Variants in CCDC146 observed in about 807,000 individuals in gnomAD.
CCDC146 encodes the protein coiled-coil domain containing 146.
CCDC146 carries 92 observed loss-of-function variants against 119.3 expected under a neutral mutation model. That is an observed-to-expected ratio of 0.77 (90% confidence interval 0.65 to 0.92). The LOEUF (loss-of-function observed/expected upper bound fraction) is 0.92, where lower values mean the gene tolerates loss of function less well. CCDC146 is among the 40% of genes least tolerant of loss of function. The probability of loss-of-function intolerance (pLI) is 0.00; values close to 1 mark genes in which losing one functional copy is unlikely to be tolerated. For synonymous variants in CCDC146, 372 were observed against 371.8 expected (o/e 1.00, Z -0.01); for missense variants, 1,000 against 1,103.0 (o/e 0.91, Z 1.32).
chr7:77,214,525 A>G (rs1210547183), intron 2 of CCDC146, among the ~76,000 whole-genome samples: 1 of 151,770 alleles, frequency 6.6e-6, no homozygotes, highest in African/African-American at 2.4e-5. Flanking sequence ...TTTCTAGTCT[A>G]ATGTTTAAAA....
At chr7:77,185,066 G>T (rs1053511810) in intron 2 of CCDC146, among the ~76,000 whole-genome samples, 2 of 151,978 alleles carry the variant, frequency 1.3e-5, no homozygotes, top group Non-Finnish European at 2.9e-5. Context: ...GTGAAAAACA[G>T]TTTGTAGATA....
At chr7:77,171,041 G>A (rs1382378481) in intron 2 of CCDC146, among the ~76,000 whole-genome samples, 1 of 152,246 alleles carries the variant, frequency 6.6e-6, no homozygotes, top group East Asian at 1.9e-4. Context: ...TCCATCATAT[G>A]TCGAACTTTG....
chr7:77,221,157 G>A (rs1792396653), intron 2 of CCDC146, among the ~76,000 whole-genome samples: 1 of 152,034 alleles, frequency 6.6e-6, no homozygotes, highest in Non-Finnish European at 1.5e-5. Flanking sequence ...CATTCATAAA[G>A]GATCCACCCC....
In CCDC146 at chr7:77,293,081, T is replaced by C. The variant is rs1793979935; in HGVS notation, c.2545T>C (p.Phe849Leu). 1 of 1,614,100 alleles carries C rather than the reference T, an allele frequency of 6.2e-7. No individual in the cohort carries two copies. Among genetic ancestry groups the C allele is most frequent in the African/African-American group, 1.3e-5 (1 of 74,938 alleles). ...KEVREKEDFI[F>L]TCNSRIEKGL... ...AGTCAGGGAGAAAGAAGACTTCATC[T>C]TCACTTGCAATTCCAGGATAGAAAA... Residue 849 changes from phenylalanine (F) to leucine (L), a missense_variant, in exon 18 of 19, where the codon TTC (phenylalanine) becomes CTC (leucine). Physicochemically the swap from Phe to Leu is conservative, Grantham distance 22. This residue lies in a region of CCDC146 where 985 missense variants were observed against 1,045.3 expected (regional missense o/e 0.94). Transcript: ENST00000285871.
At chr7:77,250,973 T>TTG (rs58026945) in intron 4 of CCDC146, among the ~76,000 whole-genome samples, 7,322 of 114,506 alleles carry the variant, frequency 0.064, 196 homozygotes, top group East Asian at 0.1. Flanking sequence ...TCTCTGGTAT[T>TTG]TGTGTGTGTG....
At chr7:77,240,974 T>C (rs1792832378) in intron 3 of CCDC146, among the ~76,000 whole-genome samples, 1 of 150,632 alleles carries the variant, frequency 6.6e-6, no homozygotes, top group Non-Finnish European at 1.5e-5. Flanking sequence ...CATTTTTTGT[T>C]TTTTTTTGTT....
intron 9 of CCDC146, among the ~76,000 whole-genome samples, chr7:77,265,658 A>G (rs1245908879): frequency 2.6e-5 from 4 of 152,246 alleles, no homozygotes; most frequent in African/African-American, 9.6e-5. Flanking sequence ...TAATCCTACT[A>G]CTTCCACTTC....
At chr7:77,146,555 T>C (rs1262455513) in intron 1 of CCDC146, among the ~76,000 whole-genome samples, 1 of 152,200 alleles carries the variant, frequency 6.6e-6, no homozygotes, top group East Asian at 1.9e-4. Context: ...TACCAGTTGT[T>C]CCTTTCCATG....
At chr7:77,252,859 C>A (rs1042303384) in intron 4 of CCDC146, among the ~76,000 whole-genome samples, 1 of 152,232 alleles carries the variant, frequency 6.6e-6, no homozygotes, top group African/African-American at 2.4e-5. Flanking sequence ...GGAGCACGTG[C>A]CTTCCAAGTT....
At position 77,191,647 on chromosome 7, in the gene CCDC146, G is replaced by A. The variant is rs144509056; in HGVS notation, c.156+23823G>A. On this transcript the variant is annotated intron_variant, in intron 2 of 18. Transcript: ENST00000285871. ...TTTAGGGCCTGGCGCAGTGGCTCAC[G>A]CCTGTAATCCCAGCACTTTGGGAGG... is the stretch of plus-strand genomic sequence containing the variant. Among the ~76,000 whole-genome samples the A allele has an allele frequency of 4.5e-3, 680 of 152,226 alleles. 11 individuals are homozygous for A. Among genetic ancestry groups the A allele is most frequent in the African/African-American group, 0.016 (655 of 41,520 alleles).
chr7:77,166,422 A>G (rs1367002008), intron 1 of CCDC146, among the ~76,000 whole-genome samples: 1 of 151,672 alleles, frequency 6.6e-6, no homozygotes, highest in African/African-American at 2.4e-5. Flanking sequence ...AAAATTGCCA[A>G]AAATTATTTA....
intron 2 of CCDC146, chr7:77,199,428 C>A: frequency 6.2e-7 from 1 of 1,614,124 alleles, no homozygotes; most frequent in Non-Finnish European, 8.5e-7. Flanking sequence ...CAACCTCTCC[C>A]GGGGCTCCTG....
chr7:77,159,574 A>G (rs1349309025), intron 1 of CCDC146, among the ~76,000 whole-genome samples: 1 of 152,174 alleles, frequency 6.6e-6, no homozygotes, highest in Admixed American at 6.5e-5. Flanking sequence ...TGGCTTTTGT[A>G]AATAGTGATG....
At chr7:77,254,345 A>G (rs1475685826) in intron 4 of CCDC146, among the ~76,000 whole-genome samples, 161 bp from the exon 5 acceptor site, 3 of 152,216 alleles carry the variant, frequency 2.0e-5, no homozygotes, top group African/African-American at 7.2e-5. Flanking sequence ...AAGCACCCCA[A>G]TGCACCTGTG....
chr7:77,280,970 G>A (rs1217337858), intron 14 of CCDC146, among the ~76,000 whole-genome samples: 1 of 152,128 alleles, frequency 6.6e-6, no homozygotes, highest in Non-Finnish European at 1.5e-5. Flanking sequence ...AGGTGTGGTG[G>A]TGGGGGCCTG....
Position 77,140,372 on chromosome 7 carries a change from A to G in CCDC146, c.-12+17640A>G, listed in dbSNP as rs1459642364. Among the ~76,000 whole-genome samples the G allele has an allele frequency of 9.2e-5, 14 of 152,326 alleles. No individual in the cohort carries two copies. In the East Asian group the frequency reaches 2.7e-3, roughly 29 times the overall value. On this transcript the variant is annotated intron_variant, in intron 1 of 18. Coordinates refer to ENST00000285871, the MANE Select transcript of CCDC146 (RefSeq NM_020879.3). ...CTATAGACCAGGTGACTTAAGTAAC[A>G]GAAATTTATTTCTTACAGTTCTGGA...
chr7:77,138,874 A>G (rs1369398070), intron 1 of CCDC146, among the ~76,000 whole-genome samples: 8 of 152,242 alleles, frequency 5.3e-5, no homozygotes, highest in African/African-American at 1.7e-4. Context: ...CTAAAAGCTG[A>G]CAAGAATGTG....
chr7:77,271,945 C>T (rs1793532022), intron 9 of CCDC146, among the ~76,000 whole-genome samples: 1 of 151,960 alleles, frequency 6.6e-6, no homozygotes, highest in Non-Finnish European at 1.5e-5. Context: ...GGTTCCTGGG[C>T]CCTGTTATTC....
chr7:77,191,832 C>A (rs897053156), intron 2 of CCDC146, among the ~76,000 whole-genome samples: 15 of 152,078 alleles, frequency 9.9e-5, no homozygotes, highest in Non-Finnish European at 1.5e-4. Flanking sequence ...ATGGTGTGAA[C>A]CCAGGAGGCG....
Sources: gnomAD v4.1 joint callset for allele counts (sites outside exome capture counted in the v4.1 genomes callset) on GRCh38, gnomAD v4.1.1 for gene constraint, gnomAD v4.1.1 regional missense constraint, MANE v1.5 for transcripts, NCBI Gene and HGNC (gene_info 2026-07-23, HGNC 2026-07-21) for gene names.